TMPRSS4: variants seen among roughly 807,000 people sequenced by gnomAD.
The protein encoded by TMPRSS4 is transmembrane protease serine 4.
TMPRSS4 carries 45 observed loss-of-function variants against 56.4 expected under a neutral mutation model. The observed-to-expected ratio is 0.80, with a 90% confidence interval of 0.63 to 1.02. TMPRSS4 has a LOEUF of 1.02. TMPRSS4 is among the 50% of genes least tolerant of loss of function. TMPRSS4 has a pLI of 0.00. For missense variants in TMPRSS4, 546 were observed against 556.7 expected (o/e 0.98, Z 0.19); for synonymous variants, 205 against 211.0 (o/e 0.97, Z 0.25).
At chr11:118,091,180 G>A (rs557822749) in intron 1 of TMPRSS4, among the ~76,000 whole-genome samples, 2 of 152,160 alleles carry the variant, frequency 1.3e-5, no homozygotes, top group East Asian at 3.9e-4. Context: ...CAATCCATCG[G>A]CGAGGCCTAT....
intron 4 of TMPRSS4, 130 bp downstream of exon 4, chr11:118,103,383 T>TGTTTG (rs1946828236): frequency 1.8e-6 from 2 of 1,112,596 alleles, no homozygotes; most frequent in Admixed American, 5.7e-5. Flanking sequence ...GTTCTTTGTT[T>TGTTTG]GTTTGTTTGT....
intron 6 of TMPRSS4, 65 bp from the exon 7 acceptor site, chr11:118,108,791 C>G: frequency 3.8e-6 from 6 of 1,574,756 alleles, no homozygotes; most frequent in Non-Finnish European, 5.2e-6. Flanking sequence ...CTTCGGGAGG[C>G]CTGAGTCCCT....
chr11:118,115,379 A>G, intron 11 of TMPRSS4, 99 bp downstream of exon 11: 1 of 1,419,176 alleles, frequency 7.0e-7, no homozygotes, highest in Non-Finnish European at 9.5e-7. Flanking sequence ...GAAGCCTTGC[A>G]TATCATGGGC....
chr11:118,077,439 A>G, intron 1 of TMPRSS4, 134 bp downstream of exon 1: 1 of 1,076,086 alleles, frequency 9.3e-7, no homozygotes, highest in Admixed American at 2.8e-5. Flanking sequence ...GGCCACACCC[A>G]AATCCCCTCA....
chr11:118,113,170 A>G (rs959934742), intron 8 of TMPRSS4, 99 bp from the exon 9 acceptor site: 2 of 1,219,616 alleles, frequency 1.6e-6, no homozygotes, highest in Non-Finnish European at 2.3e-6. Flanking sequence ...CAAGGCAGTG[A>G]CATCCAGCAC....
Position 118,099,113 on chromosome 11 carries a change from G to C in TMPRSS4, c.157+15G>C. ...GGTTGTCCTCAGTAAGTGACAGCCC[G>C]TACCCGACTTTCACCCTCTAAGTAA... On this transcript the variant is annotated intron_variant, in intron 3 of 12. Coordinates refer to ENST00000437212, the MANE Select transcript of TMPRSS4 (RefSeq NM_019894.4). 6.2e-7 allele frequency: 1 copy of C among 1,604,132 alleles called. No homozygotes were observed. The highest frequency in any genetic ancestry group is 8.5e-7 in the Non-Finnish European group (1 of 1,171,462).
intron 1 of TMPRSS4, among the ~76,000 whole-genome samples, chr11:118,093,563 G>A (rs886382364): frequency 3.9e-5 from 6 of 152,210 alleles, no homozygotes; most frequent in African/African-American, 1.4e-4. Context: ...TGCGTGCTGA[G>A]TGCACACATG....
chr11:118,115,461 A>T (rs73012902), intron 11 of TMPRSS4, 181 bp downstream of exon 11: 697 of 671,410 alleles, frequency 1.0e-3, no homozygotes, highest in Non-Finnish European at 1.6e-3. Flanking sequence ...GTACCAATAG[A>T]TGAGTGGGTG....
At chr11:118,114,181 C>T (rs1947425170) in intron 9 of TMPRSS4, among the ~76,000 whole-genome samples, 1 of 152,212 alleles carries the variant, frequency 6.6e-6, no homozygotes, top group Non-Finnish European at 1.5e-5. Flanking sequence ...TCTAGAGACC[C>T]TGGTGTGACC....
chr11:118,114,396 G>A (rs1417718083), intron 9 of TMPRSS4, among the ~76,000 whole-genome samples: 1 of 152,220 alleles, frequency 6.6e-6, no homozygotes, highest in African/African-American at 2.4e-5. Flanking sequence ...AAGCAGCTGG[G>A]TCCACCAGGA....
chr11:118,084,137 G>A (rs1467992627), intron 1 of TMPRSS4, among the ~76,000 whole-genome samples: 1 of 152,114 alleles, frequency 6.6e-6, no homozygotes, highest in Admixed American at 6.5e-5. Context: ...GAGACTTACT[G>A]CATCTCTCTT....
intron 2 of TMPRSS4, among the ~76,000 whole-genome samples, chr11:118,098,465 G>C (rs1329714396): frequency 6.6e-6 from 1 of 152,242 alleles, no homozygotes; most frequent in African/African-American, 2.4e-5. Flanking sequence ...ACAAGGACCA[G>C]GCTAGGGACT....
At chr11:118,123,601 C>T (rs1348799512), downstream of TMPRSS4, among the ~76,000 whole-genome samples, 1 of 152,148 alleles carries the variant, frequency 6.6e-6, no homozygotes, top group East Asian at 1.9e-4. Context: ...CGGCTCACTG[C>T]GAGCTCCGTC....
intron 1 of TMPRSS4, among the ~76,000 whole-genome samples, chr11:118,084,670 T>C (rs1351576152): frequency 2.0e-5 from 3 of 152,180 alleles, no homozygotes; most frequent in South Asian, 2.1e-4. Context: ...TGTAGGGTAA[T>C]TGGGGCAGAG....
chr11:118,115,419 G>A, intron 11 of TMPRSS4, 139 bp downstream of exon 11: 2 of 1,076,468 alleles, frequency 1.9e-6, no homozygotes, highest in South Asian at 1.6e-5. Context: ...GAGGAAGAGA[G>A]GGAGGGAAGG....
Position 118,089,921 on chromosome 11 carries a change from C to A in TMPRSS4, c.4-4895C>A, listed in dbSNP as rs566535882. Among the ~76,000 whole-genome samples the A allele has an allele frequency of 2.0e-4, 30 of 152,296 alleles. No individual in the cohort carries two copies. The South Asian group carries it at 5.4e-3, about 27-fold the overall frequency. On this transcript the variant is annotated intron_variant, in intron 1 of 12. Transcript: ENST00000437212. ...GAGTGCTGTGGCACCATCTCACTCA[C>A]TGCAACCTCCCCTCCCGGGTTCAAG...
At chr11:118,117,701 A>G in intron 12 of TMPRSS4, 1 of 985,492 alleles carries the variant, frequency 1.0e-6, no homozygotes. Flanking sequence ...CTTTTCTGAC[A>G]GAATGAGACT....
chr11:118,095,435 A>T (rs1946232027), intron 2 of TMPRSS4: 1 of 153,766 alleles, frequency 6.5e-6, no homozygotes, highest in African/African-American at 2.4e-5. Flanking sequence ...TGAACAGATC[A>T]GTAAGAAAAT....
chr11:118,125,387 G>A, downstream of TMPRSS4: 1 of 456,434 alleles, frequency 2.2e-6, no homozygotes, highest in Non-Finnish European at 4.4e-6. Flanking sequence ...GGTCAGCTCG[G>A]CACACACATC....
Sources: gnomAD v4.1 joint callset for allele counts (sites outside exome capture counted in the v4.1 genomes callset) on GRCh38, gnomAD v4.1.1 for gene constraint, MANE v1.5 for transcripts, NCBI Gene and HGNC (gene_info 2026-07-23, HGNC 2026-07-21) for gene names.